Variants in MCPH1 observed in about 807,000 individuals in gnomAD.
The protein encoded by MCPH1 is microcephalin.
In MCPH1, 104 loss-of-function variants were observed where a neutral mutation model predicts 84.5. The observed-to-expected ratio is 1.23, with a 90% confidence interval of 1.05 to 1.45. The LOEUF (loss-of-function observed/expected upper bound fraction) is 1.45, where lower values mean the gene tolerates loss of function less well. MCPH1 is among the 40% of genes most tolerant of loss of function. MCPH1 has a pLI of 0.00. For synonymous variants in MCPH1, 514 were observed against 366.8 expected (o/e 1.40, Z -4.58); for missense variants, 1,498 against 1,005.7 (o/e 1.49, Z -6.62).
At chr8:6,623,335 A>G (rs1831673827) in intron 13 of MCPH1, among the ~76,000 whole-genome samples, 1 of 151,732 alleles carries the variant, frequency 6.6e-6, no homozygotes, top group South Asian at 2.1e-4. Flanking sequence ...TTAGAGGTAC[A>G]TCCCCTCTCT....
At position 6,646,964 on chromosome 8, in the gene MCPH1, A is replaced by G. The variant is rs1435458295; in HGVS notation, c.*3915A>G. On this transcript the variant is annotated 3_prime_UTR_variant, in exon 14 of 14. Transcript: ENST00000344683. ...TAAAAAAATAAGTTGGGCTTTGTCA[A>G]AATTTTAAGTTTTGCTCTTCTGAAG... 6.6e-6 allele frequency: 1 copy of G among 152,202 alleles called. No homozygotes were observed. Among genetic ancestry groups the G allele is most frequent in the Non-Finnish European group, 1.5e-5 (1 of 68,038 alleles). The allele number at this position is 152,202 out of a possible 1,614,324, so 9.4% of individuals were successfully genotyped here.
At chr8:6,641,051 T>A (rs1490797107) in intron 13 of MCPH1, among the ~76,000 whole-genome samples, 3 of 152,230 alleles carry the variant, frequency 2.0e-5, no homozygotes, top group African/African-American at 7.2e-5. Context: ...GTATGTCAAA[T>A]TTTTTCTCAT....
Position 6,497,780 on chromosome 8 carries a change from A to C in MCPH1, c.2137-2072A>C, listed in dbSNP as rs576217029. On this transcript the variant is annotated intron_variant, in intron 11 of 13. Coordinates refer to ENST00000344683, the MANE Select transcript of MCPH1 (RefSeq NM_024596.5). ...ATGAAGCTAAAGTGGCTTTAAAAATACAAATACAGAAAAAAACTTGTGCTT... is the reference window on the plus strand; with the variant it reads ...ATGAAGCTAAAGTGGCTTTAAAAATCCAAATACAGAAAAAAACTTGTGCTT... Among the ~76,000 whole-genome samples, 22 of 152,340 alleles carry C rather than the reference A, an allele frequency of 1.4e-4. No individual in the cohort carries two copies. The South Asian group carries it at 3.5e-3, about 24-fold the overall frequency.
At chr8:6,640,059 CGTGTGT>C (rs147642349) in intron 13 of MCPH1, among the ~76,000 whole-genome samples, 4,734 of 134,250 alleles carry the variant, frequency 0.035, 112 homozygotes, top group Middle Eastern at 0.061. Context: ...ATTTTAAACT[CGTGTGT>C]GTGTGTGTGT....
chr8:6,503,321 G>T (rs1812574235), intron 12 of MCPH1: 4 of 1,584,720 alleles, frequency 2.5e-6, no homozygotes, highest in Non-Finnish European at 3.5e-6. Flanking sequence ...CCACCACGAA[G>T]ACAGCAATAC....
intron 12 of MCPH1, among the ~76,000 whole-genome samples, chr8:6,584,116 G>T (rs1827793151): frequency 6.6e-6 from 1 of 152,060 alleles, no homozygotes; most frequent in African/African-American, 2.4e-5. Context: ...CCAGAAACTT[G>T]CTAATCTGTA....
At chr8:6,585,811 G>T (rs1182165501) in intron 12 of MCPH1, among the ~76,000 whole-genome samples, 1 of 152,138 alleles carries the variant, frequency 6.6e-6, no homozygotes, top group Non-Finnish European at 1.5e-5. Context: ...TGACTGCAGG[G>T]CAGTTTTAAA....
At chr8:6,469,823 C>G (rs1013624881) in intron 9 of MCPH1, among the ~76,000 whole-genome samples, 3 of 152,172 alleles carry the variant, frequency 2.0e-5, no homozygotes, top group Non-Finnish European at 4.4e-5. Flanking sequence ...GCATTCAATA[C>G]TCTTTTTCTC....
In MCPH1 at chr8:6,643,129, G is replaced by C; in HGVS notation, c.*80G>C. 2 of 1,235,368 alleles carry C rather than the reference G, an allele frequency of 1.6e-6. No homozygotes were observed. Among genetic ancestry groups the C allele is most frequent in the Non-Finnish European group, 2.4e-6 (2 of 842,132 alleles). The allele number at this position is 1,235,368 out of a possible 1,614,324, so 76.5% of individuals were successfully genotyped here. On this transcript the variant is annotated 3_prime_UTR_variant, in exon 14 of 14. Coordinates refer to ENST00000344683, the MANE Select transcript of MCPH1 (RefSeq NM_024596.5). ...ATGTTCAAATGAGAAACAAAACTGT[G>C]AAGAGAAGGAACTGGCGTATACAAG... is the stretch of plus-strand genomic sequence containing the variant.
rs1379430546 is a variant in MCPH1 at position 6,646,916 on chromosome 8, A to C, written c.*3867A>C. 6.6e-6 allele frequency: 1 copy of C among 152,224 alleles called. No homozygotes were observed. Among genetic ancestry groups the C allele is most frequent in the Non-Finnish European group, 1.5e-5 (1 of 68,042 alleles). 9.4% of individuals were successfully genotyped at this position (152,224 alleles called of 1,614,324 possible). ...CAGGTTAGGCAAAGCTTTCTTAGAT[A>C]TGACACTAAAGGCATAATTCATTAA... On this transcript the variant is annotated 3_prime_UTR_variant, in exon 14 of 14. Coordinates refer to ENST00000344683, the MANE Select transcript of MCPH1 (RefSeq NM_024596.5).
intron 12 of MCPH1, among the ~76,000 whole-genome samples, chr8:6,573,745 C>T (rs1408575037): frequency 3.9e-5 from 6 of 152,160 alleles, no homozygotes; most frequent in African/African-American, 1.4e-4. Context: ...CAGAAGTAAA[C>T]CTGCCCACCC....
At chr8:6,443,131 C>T (rs1803759145) in intron 7 of MCPH1, among the ~76,000 whole-genome samples, 1 of 152,120 alleles carries the variant, frequency 6.6e-6, no homozygotes, top group Non-Finnish European at 1.5e-5. Flanking sequence ...AGGTAGGTTC[C>T]ATCACCATCC....
At position 6,562,552 on chromosome 8, in the gene MCPH1, CTTTTTTT is replaced by C. The variant is rs55804146; in HGVS notation, c.2215-58889_2215-58883del. 1.1e-3 allele frequency: 81 copies of C among 73,836 alleles called. 1 individual carries two copies. The Middle Eastern group carries it at 0.026, about 24-fold the overall frequency. The allele number at this position is 73,836 out of a possible 1,614,324, so 4.6% of individuals were successfully genotyped here. ...AGCTCTAATCCTCTTCATCCTCCTT[CTTTTTTT>C]TTTTTTTTTTTTGGTTGTTAAAACC... On this transcript the variant is annotated intron_variant, in intron 12 of 13. Coordinates refer to ENST00000344683, the MANE Select transcript of MCPH1 (RefSeq NM_024596.5).
intron 9 of MCPH1, among the ~76,000 whole-genome samples, chr8:6,466,728 C>T (rs971042856): frequency 3.9e-5 from 6 of 152,088 alleles, no homozygotes; most frequent in Admixed American, 2.6e-4. Context: ...CGGCAGCCAC[C>T]GCGCCTGGCC....
intron 12 of MCPH1, among the ~76,000 whole-genome samples, chr8:6,577,338 C>T (rs1260666843): frequency 6.6e-6 from 1 of 152,178 alleles, no homozygotes; most frequent in African/African-American, 2.4e-5. Context: ...TGGATGAAGC[C>T]ACTAGATGTA....
intron 12 of MCPH1, among the ~76,000 whole-genome samples, chr8:6,547,300 A>G (rs113412396): frequency 1.3e-5 from 2 of 152,114 alleles, no homozygotes; most frequent in Non-Finnish European, 2.9e-5. Context: ...AAAAGTACAG[A>G]GACTTGAATC....
At chr8:6,620,880 C>T (rs1170189449) in intron 12 of MCPH1, 12 of 161,444 alleles carry the variant, frequency 7.4e-5, no homozygotes, top group Non-Finnish European at 1.6e-4. Context: ...AGACACCTCT[C>T]TCCCCCAAAC....
chr8:6,514,201 C>G (rs1275414615), intron 12 of MCPH1, among the ~76,000 whole-genome samples: 1 of 152,028 alleles, frequency 6.6e-6, no homozygotes, highest in Admixed American at 6.6e-5. Context: ...TAGTGGCAGC[C>G]TTGTTTATTT....
chr8:6,480,632 G>C (rs1586024019), intron 10 of MCPH1, 82 bp from the exon 11 acceptor site: 1 of 1,513,820 alleles, frequency 6.6e-7, no homozygotes, highest in East Asian at 2.3e-5. Context: ...AGTTTTATTA[G>C]TACTAATATT....
Sources: allele counts gnomAD v4.1 joint callset (sites outside exome capture counted in the v4.1 genomes callset), GRCh38; gene constraint gnomAD v4.1.1; transcripts MANE v1.5; gene names NCBI Gene and HGNC (gene_info 2026-07-23, HGNC 2026-07-21).